KCNIP1: variants seen among roughly 807,000 people sequenced by gnomAD.
The protein encoded by KCNIP1 is potassium voltage-gated channel interacting protein 1.
KCNIP1 carries 18 observed loss-of-function variants against 33.0 expected under a neutral mutation model. The observed-to-expected ratio is 0.55, with a 90% CI of 0.38 to 0.81. KCNIP1 has a LOEUF of 0.81. Ranked by LOEUF, KCNIP1 falls within the 30% of genes least tolerant of loss-of-function variation. KCNIP1 has a pLI of 0.00. For synonymous variants in KCNIP1, 93 were observed against 98.3 expected (o/e 0.95, Z 0.32); for missense variants, 238 against 271.6 (o/e 0.88, Z 0.87).
upstream of KCNIP1, among the ~76,000 whole-genome samples, chr5:170,503,234 T>A (rs1757452236): frequency 1.3e-5 from 2 of 151,102 alleles, no homozygotes; most frequent in Non-Finnish European, 3.0e-5. Flanking sequence ...TATTAAAAAA[T>A]ACAAAAAAAT....
At chr5:170,385,432 C>G in intron 1 of KCNIP1, 1 of 1,614,158 alleles carries the variant, frequency 6.2e-7, no homozygotes, top group Non-Finnish European at 8.5e-7. Flanking sequence ...TGGGCCATCA[C>G]CAGCTTCTTC....
intron 1 of KCNIP1, among the ~76,000 whole-genome samples, chr5:170,407,263 C>A (rs138732063): frequency 0.044 from 6,672 of 152,304 alleles, 153 homozygotes; most frequent in South Asian, 0.083. Context: ...TGTGCCCCAT[C>A]ATGTTGCGTA....
At chr5:170,479,317 G>A (rs1756924033) in intron 1 of KCNIP1, among the ~76,000 whole-genome samples, 1 of 152,188 alleles carries the variant, frequency 6.6e-6, no homozygotes, top group South Asian at 2.1e-4. Context: ...CTGTCCCAAA[G>A]ATCCCCCTCA....
intron 1 of KCNIP1, among the ~76,000 whole-genome samples, chr5:170,652,549 AAAG>A (rs1761089519): frequency 6.6e-6 from 1 of 151,840 alleles, no homozygotes; most frequent in Admixed American, 6.6e-5. Flanking sequence ...AAAGAAAAGA[AAAG>A]AAAAATGACC....
At chr5:170,511,203 C>G (rs1000819882) in intron 1 of KCNIP1, among the ~76,000 whole-genome samples, 2 of 152,038 alleles carry the variant, frequency 1.3e-5, no homozygotes, top group African/African-American at 4.8e-5. Context: ...AGCGAGACTC[C>G]GTCTCAAAAA....
In KCNIP1 at chr5:170,634,064, G is replaced by T. The variant is rs150890368; in HGVS notation, c.62-84694G>T. 2.1e-3 allele frequency among the ~76,000 whole-genome samples: 325 copies of T among 152,264 alleles called. 2 individuals carry two copies. Among genetic ancestry groups the T allele is most frequent in the African/African-American group, 7.4e-3 (308 of 41,542 alleles). The stretch of plus-strand genomic sequence containing the variant: ...TGTGAAAATGGAGCCAGCGGGATTT[G>T]TTGACAGACCAAAGTTGAGGTGAGA... On this transcript the variant is annotated intron_variant, in intron 1 of 7. Transcript: ENST00000328939.
chr5:170,632,249 A>T (rs1760076688), intron 1 of KCNIP1, among the ~76,000 whole-genome samples: 1 of 151,856 alleles, frequency 6.6e-6, no homozygotes, highest in Non-Finnish European at 1.5e-5. Flanking sequence ...CCCTCAGAAA[A>T]CCCCAGATGC....
intron 1 of KCNIP1, chr5:170,383,711 G>C (rs1764347356): frequency 5.0e-6 from 8 of 1,614,164 alleles, no homozygotes; most frequent in Non-Finnish European, 6.8e-6. Context: ...TCCTCCGTGT[G>C]GTACAGCACA....
intron 1 of KCNIP1, among the ~76,000 whole-genome samples, chr5:170,434,092 T>C (rs1033503929): frequency 1.3e-5 from 2 of 152,220 alleles, no homozygotes; most frequent in South Asian, 2.1e-4. Context: ...AACCAAGCTA[T>C]CTAGGTTCAA....
intron 1 of KCNIP1, among the ~76,000 whole-genome samples, chr5:170,510,613 C>T (rs924835868): frequency 3.3e-5 from 5 of 152,144 alleles, no homozygotes; most frequent in African/African-American, 7.2e-5. Context: ...CCCCTTCCTC[C>T]GGGTAGTATT....
chr5:170,569,905 A>G (rs905430944), intron 1 of KCNIP1, among the ~76,000 whole-genome samples: 1 of 152,188 alleles, frequency 6.6e-6, no homozygotes, highest in East Asian at 1.9e-4. Context: ...GCAATTTAGC[A>G]TGGAGCGAGC....
intron 1 of KCNIP1, among the ~76,000 whole-genome samples, chr5:170,616,198 A>C (rs1037795665): frequency 6.6e-6 from 1 of 152,330 alleles, no homozygotes; most frequent in Admixed American, 6.5e-5. Flanking sequence ...TTTTTATTCC[A>C]TAGGGTAGTT....
chr5:170,396,093 T>C (rs314121), intron 1 of KCNIP1, among the ~76,000 whole-genome samples: 2 of 152,074 alleles, frequency 1.3e-5, no homozygotes, highest in Non-Finnish European at 2.9e-5. Flanking sequence ...TGGAGAGCTG[T>C]TTTGCCAGCA....
intron 1 of KCNIP1, among the ~76,000 whole-genome samples, chr5:170,685,126 G>A (rs72836199): frequency 3.2e-4 from 49 of 152,134 alleles, no homozygotes; most frequent in African/African-American, 1.0e-3. Context: ...CCTGCTCTGC[G>A]TGGGTTCCCA....
Position 170,504,236 on chromosome 5 carries a change from G to A in KCNIP1, c.-337G>A, listed in dbSNP as rs1754611518. 3 of 1,083,668 alleles carry A rather than the reference G, an allele frequency of 2.8e-6. No homozygotes were observed. In the African/African-American group the frequency reaches 5.0e-5, roughly 18 times the overall value. 67.1% of individuals were successfully genotyped at this position (1,083,668 alleles called of 1,614,324 possible). A position where few individuals can be genotyped will look rare whatever the true frequency, so the allele number is the denominator to read the frequency against. On this transcript the variant is annotated 5_prime_UTR_variant, in exon 1 of 8. Transcript: ENST00000328939. The surrounding 1 kb of genome is among the most constrained non-coding windows in gnomAD (Gnocchi z 6.0). ...GCGCTGGCTCGGCAGCCTCGGCCGG[G>A]CGGCCGCTCTGGCCCCGTGTCCAGT...
chr5:170,530,372 A>G (rs1755744009), intron 1 of KCNIP1, among the ~76,000 whole-genome samples: 1 of 152,178 alleles, frequency 6.6e-6, no homozygotes, highest in South Asian at 2.1e-4. Flanking sequence ...TCCCAGTAAT[A>G]CTATGATGCT....
At chr5:170,553,115 C>A (rs1756716938) in intron 1 of KCNIP1, among the ~76,000 whole-genome samples, 1 of 152,216 alleles carries the variant, frequency 6.6e-6, no homozygotes, top group Non-Finnish European at 1.5e-5. Context: ...AGCAGCACCT[C>A]CTCCCGTGAC....
At chr5:170,386,039 T>A (rs1764456827) in intron 1 of KCNIP1, among the ~76,000 whole-genome samples, 1 of 149,882 alleles carries the variant, frequency 6.7e-6, no homozygotes, top group South Asian at 2.1e-4. Context: ...GGCAGGAGAA[T>A]GGCATGAACC....
At chr5:170,725,409 T>C (rs1034627497) in intron 5 of KCNIP1, among the ~76,000 whole-genome samples, 6 of 152,130 alleles carry the variant, frequency 3.9e-5, no homozygotes, top group Admixed American at 2.6e-4. Context: ...TTAAGTGAAA[T>C]GAACCAGGCA....
Sources: gnomAD v4.1 joint callset for allele counts (sites outside exome capture counted in the v4.1 genomes callset) on GRCh38, gnomAD v4.1.1 for gene constraint, Gnocchi (gnomAD v3.1) non-coding constraint, MANE v1.5 for transcripts, NCBI Gene and HGNC (gene_info 2026-07-23, HGNC 2026-07-21) for gene names.